ADAM22: variants seen among roughly 807,000 people sequenced by gnomAD.
ADAM22 encodes ADAM metallopeptidase domain 22, also known as disintegrin and metalloproteinase domain-containing protein 22.
In ADAM22, 65 loss-of-function variants were observed where a neutral mutation model predicts 144.6. The ratio of observed to expected loss-of-function variants is 0.45; its 90% CI spans 0.37 to 0.55. The LOEUF is 0.55. Ranked by LOEUF, ADAM22 falls within the 20% of genes least tolerant of loss-of-function variation. The probability of loss-of-function intolerance (pLI) is 0.00; values close to 1 mark genes in which losing one functional copy is unlikely to be tolerated. For synonymous variants in ADAM22, 391 were observed against 412.6 expected, an observed-to-expected ratio of 0.95 and a Z score of 0.63; for missense variants, 974 against 1,184.9, an observed-to-expected ratio of 0.82 and a Z score of 2.61.
At chr7:88,085,695 C>A (rs1425403878) in intron 4 of ADAM22, among the ~76,000 whole-genome samples, 2 of 152,118 alleles carry the variant, frequency 1.3e-5, no homozygotes, top group Admixed American at 1.3e-4. Flanking sequence ...TTTATATTGA[C>A]CATTCAGTTC....
intron 7 of ADAM22, among the ~76,000 whole-genome samples, chr7:88,122,750 C>T (rs771381668): frequency 9.9e-5 from 15 of 152,120 alleles, no homozygotes; most frequent in Non-Finnish European, 1.5e-4. Flanking sequence ...AGGGAAAATT[C>T]GAGAAACAAG....
At chr7:87,984,483 GTT>G (rs1444549651) in intron 3 of ADAM22, among the ~76,000 whole-genome samples, 1 of 152,034 alleles carries the variant, frequency 6.6e-6, no homozygotes, top group African/African-American at 2.4e-5. Context: ...ATGTATTCAG[GTT>G]TTCTACTTGT....
intron 19 of ADAM22, 39 bp downstream of exon 19, chr7:88,151,070 C>G: frequency 6.3e-7 from 1 of 1,587,634 alleles, no homozygotes; most frequent in South Asian, 1.1e-5. Flanking sequence ...TTCACATGTA[C>G]CAGCATGAAA....
intron 3 of ADAM22, among the ~76,000 whole-genome samples, chr7:88,035,656 TAC>T (rs1371687852): frequency 6.6e-6 from 1 of 152,244 alleles, no homozygotes; most frequent in Non-Finnish European, 1.5e-5. Flanking sequence ...TACAACAATT[TAC>T]GTAGCATTCA....
chr7:88,000,405 T>C (rs563807700), intron 3 of ADAM22, among the ~76,000 whole-genome samples: 2 of 152,306 alleles, frequency 1.3e-5, no homozygotes, highest in East Asian at 3.9e-4. Flanking sequence ...TCTTTTGAAT[T>C]GTTGCTAAAA....
At chr7:88,083,649 A>G (rs1817604251) in intron 4 of ADAM22, among the ~76,000 whole-genome samples, 2 of 147,864 alleles carry the variant, frequency 1.4e-5, no homozygotes, top group East Asian at 3.9e-4. Context: ...GTAGTATTTT[A>G]AAGCAAATTC....
At chr7:88,080,251 G>C (rs1196810258) in intron 4 of ADAM22, among the ~76,000 whole-genome samples, 1 of 152,064 alleles carries the variant, frequency 6.6e-6, no homozygotes, top group South Asian at 2.1e-4. Context: ...TGACTACTGG[G>C]TACATAATGA....
chr7:87,955,476 T>C (rs1846428091), intron 2 of ADAM22, among the ~76,000 whole-genome samples: 1 of 152,130 alleles, frequency 6.6e-6, no homozygotes, highest in Admixed American at 6.5e-5. Flanking sequence ...AGTGCTGCTG[T>C]CTGATCGTTC....
chr7:88,035,204 C>T (rs899055556), intron 3 of ADAM22, among the ~76,000 whole-genome samples: 4 of 152,122 alleles, frequency 2.6e-5, no homozygotes, highest in Non-Finnish European at 4.4e-5. Context: ...TTATGGTCAC[C>T]GAAAGGTCAA....
At chr7:88,012,319 CTA>C (rs1257814330) in intron 3 of ADAM22, among the ~76,000 whole-genome samples, 1 of 152,174 alleles carries the variant, frequency 6.6e-6, no homozygotes, top group Non-Finnish European at 1.5e-5. Flanking sequence ...GTTCCAAAAT[CTA>C]TGTCATGTTG....
chr7:88,087,476 C>T (rs1405758360), intron 4 of ADAM22, among the ~76,000 whole-genome samples: 2 of 152,110 alleles, frequency 1.3e-5, no homozygotes, highest in Non-Finnish European at 2.9e-5. Flanking sequence ...AGGAAAATAA[C>T]CATAGTATGA....
chr7:88,090,338 A>C (rs1038320768), intron 4 of ADAM22, among the ~76,000 whole-genome samples: 69 of 152,248 alleles, frequency 4.5e-4, no homozygotes, highest in African/African-American at 1.6e-3. Flanking sequence ...CTCAGACAGG[A>C]GAGGAAATTT....
At position 88,007,590 on chromosome 7, in the gene ADAM22, C is replaced by T. The variant is rs535905624; in HGVS notation, c.323+29178C>T. Among the ~76,000 whole-genome samples the T allele has an allele frequency of 1.9e-3, 294 of 152,140 alleles. 2 individuals carry two copies. Among genetic ancestry groups the T allele is most frequent in the African/African-American group, 4.7e-3 (197 of 41,528 alleles). On this transcript the variant is annotated intron_variant, in intron 3 of 31. Coordinates refer to ENST00000413139, the MANE Select transcript of ADAM22 (RefSeq NM_001324418.2). ...AACAGAACAGAGCCCTCAGAAATAACGCCGCATATCTACAACTATCTGATC... is the reference window on the plus strand; with the variant it reads ...AACAGAACAGAGCCCTCAGAAATAATGCCGCATATCTACAACTATCTGATC...
chr7:87,954,862 A>T lies in ADAM22; in HGVS notation c.246+19676A>T, dbSNP rs181812608. The stretch of plus-strand genomic sequence containing the variant: ...CATTTCTTTTTATTCTTTTTTCTCT[A>T]AACTTGTTTCATTTCATTCATTTCA... On this transcript the variant is annotated intron_variant, in intron 2 of 31. Transcript: ENST00000413139. 2.1e-3 allele frequency among the ~76,000 whole-genome samples: 321 copies of T among 151,894 alleles called. 1 individual carries two copies. Among genetic ancestry groups the T allele is most frequent in the African/African-American group, 7.1e-3 (293 of 41,458 alleles).
Position 88,156,249 on chromosome 7 carries a change from T to C in ADAM22, c.1907+243T>C, listed in dbSNP as rs146263844. Among the ~76,000 whole-genome samples the C allele has an allele frequency of 8.6e-3, 1,316 of 152,282 alleles. 22 individuals are homozygous for C. Among genetic ancestry groups the C allele is most frequent in the African/African-American group, 0.03 (1,250 of 41,550 alleles). On this transcript the variant is annotated intron_variant, in intron 22 of 31. Coordinates refer to ENST00000413139, the MANE Select transcript of ADAM22 (RefSeq NM_001324418.2). The stretch of plus-strand genomic sequence containing the variant: ...TTGGTCAGTAAAGTCTTATAGAGTT[T>C]GGTTTCCAAACTTACAGAATTTGGA...
In ADAM22 at chr7:88,070,355, A is replaced by G. The variant is rs1220612705; in HGVS notation, c.324-5271A>G. On this transcript the variant is annotated intron_variant, in intron 3 of 31. Coordinates refer to ENST00000413139, the MANE Select transcript of ADAM22 (RefSeq NM_001324418.2). ...GCTGAGGCCCTTAATAGTTTTCGGA[A>G]CTCTTTTACATAGATGATTTGGTAA... is the stretch of plus-strand genomic sequence containing the variant. 2.6e-5 allele frequency among the ~76,000 whole-genome samples: 4 copies of G among 152,106 alleles called. No individual in the cohort carries two copies. The East Asian group carries it at 7.7e-4, about 29-fold the overall frequency.
chr7:88,026,953 G>A (rs1799155763), intron 3 of ADAM22, among the ~76,000 whole-genome samples: 1 of 152,032 alleles, frequency 6.6e-6, no homozygotes, highest in Non-Finnish European at 1.5e-5. Flanking sequence ...TGAATTTTAG[G>A]AAATGCTTTT....
At chr7:88,126,760 T>A (rs892960003) in intron 8 of ADAM22, among the ~76,000 whole-genome samples, 9 of 151,972 alleles carry the variant, frequency 5.9e-5, no homozygotes, top group African/African-American at 2.2e-4. Context: ...GAGCATTTCT[T>A]TTGAGTGTCC....
At chr7:88,083,942 C>T (rs1817704904) in intron 4 of ADAM22, among the ~76,000 whole-genome samples, 1 of 152,120 alleles carries the variant, frequency 6.6e-6, no homozygotes, top group African/African-American at 2.4e-5. Flanking sequence ...GCTAGAATCT[C>T]CAGGTCCTTT....
Sources: gnomAD v4.1 joint callset for allele counts (sites outside exome capture counted in the v4.1 genomes callset) on GRCh38, gnomAD v4.1.1 for gene constraint, MANE v1.5 for transcripts, NCBI Gene and HGNC (gene_info 2026-07-23, HGNC 2026-07-21) for gene names.